Variants in TPM4 observed in about 807,000 individuals in gnomAD.
TPM4 encodes the protein tropomyosin 4.
A neutral mutation model predicts 35.8 loss-of-function variants in TPM4; 17 were observed. That is an observed-to-expected ratio of 0.47 (90% CI 0.32 to 0.71). TPM4 has a LOEUF of 0.71. Among genes scored for constraint, TPM4 ranks in the 30% least tolerant of loss-of-function variants. The probability of loss-of-function intolerance (pLI) is 0.03; values close to 1 mark genes in which losing one functional copy is unlikely to be tolerated. For synonymous variants in TPM4, 120 were observed against 122.9 expected (o/e 0.98, Z 0.15); for missense variants, 240 against 320.9 (o/e 0.75, Z 1.93).
At chr19:16,085,559 C>G (rs1226613526) in intron 2 of TPM4, among the ~76,000 whole-genome samples, 1 of 152,096 alleles carries the variant, frequency 6.6e-6, no homozygotes, top group African/African-American at 2.4e-5. Context: ...GAGTGAGACA[C>G]CATCTCTCAA....
Position 16,076,671 on chromosome 19 carries a change from G to C in TPM4, c.106G>C (p.Asp36His). 2 of 1,392,392 alleles carry C rather than the reference G, an allele frequency of 1.4e-6. No homozygotes were observed. Among genetic ancestry groups the C allele is most frequent in the Non-Finnish European group, 1.9e-6 (2 of 1,077,230 alleles). The allele number at this position is 1,392,392 out of a possible 1,614,324, so 86.3% of individuals were successfully genotyped here. ...CGCGCAGGGCCTGCAGCGGGAGCTG[G>C]ACGGCGAGCGCGAGCGGCGCGAGAA... ...DRAQGLQREL[D>H]GERERREKAE... The change falls in exon 1 of 8, where the codon GAC (aspartate) becomes CAC (histidine). Residue 36 changes from aspartate to histidine, a missense_variant. Physicochemically the swap from Asp to His is moderately conservative, Grantham distance 81. Coordinates refer to ENST00000643579, the MANE Select transcript of TPM4 (RefSeq NM_003290.3).
At position 16,101,268 on chromosome 19, in the gene TPM4, A is replaced by T; in HGVS notation, c.669A>T (p.Lys223Asn). 6.2e-7 allele frequency: 1 copy of T among 1,603,210 alleles called. No homozygotes were observed. The highest frequency in any genetic ancestry group is 8.5e-7 in the Non-Finnish European group (1 of 1,175,964). ...CATACTCTTAATCCTCACCAGAGAAACTTGCCCAGGCCAAAGAAGAGAACG... is the reference window on the plus strand; with the variant it reads ...CATACTCTTAATCCTCACCAGAGAATCTTGCCCAGGCCAAAGAAGAGAACG... Reference protein sequence around the residue: ...LEKTIDDLEEKLAQAKEENVG... With the variant: ...LEKTIDDLEENLAQAKEENVG... Residue 223 changes from lysine to asparagine, a missense_variant, in exon 8 of 8, where the codon AAA becomes AAT. Coordinates refer to ENST00000643579, the MANE Select transcript of TPM4 (RefSeq NM_003290.3).
In TPM4 at chr19:16,078,271, A is replaced by G. The variant is rs568517537; in HGVS notation, c.132+1574A>G. 102 of 396,278 alleles carry G rather than the reference A, an allele frequency of 2.6e-4. 3 individuals are homozygous for G. The South Asian group carries it at 0.012, about 46-fold the overall frequency. The allele number at this position is 396,278 out of a possible 1,614,324, so 24.5% of individuals were successfully genotyped here. On this transcript the variant is annotated intron_variant, in intron 1 of 7. Coordinates refer to ENST00000643579, the MANE Select transcript of TPM4 (RefSeq NM_003290.3). ...GCTGGGACCAGAGACATGGGTGTGC[A>G]CAGACTCAGAGGCAAGAAAGTTGTA...
chr19:16,076,003 A>ACC (rs139298941), upstream of TPM4: 5,738 of 1,405,258 alleles, frequency 4.1e-3, 17 homozygotes, highest in African/African-American at 0.02. Flanking sequence ...CGGGGACGTG[A>ACC]CCCCCCCCCC....
chr19:16,070,725 G>GC lies in TPM4; in HGVS notation c.114+2990dup, dbSNP rs2090348541. 1.3e-5 allele frequency among the ~76,000 whole-genome samples: 2 copies of GC among 150,978 alleles called. No individual in the cohort carries two copies. Among genetic ancestry groups the GC allele is most frequent in the Non-Finnish European group, 2.9e-5 (2 of 67,842 alleles). On this transcript the variant is annotated intron_variant, in intron 2 of 2. Transcript: ENST00000589897. The surrounding 1 kb of genome is among the most constrained non-coding windows in gnomAD (Gnocchi z 7.4). Reference sequence around the variant, plus strand: ...TAAATGTAGGTTGATTTCCTGCCCCGCCCTACTTCCCCTTTGGGCCTCCCC... The same window carrying GC: ...TAAATGTAGGTTGATTTCCTGCCCCGCCCCTACTTCCCCTTTGGGCCTCCCC...
At chr19:16,076,003 ACC>A (rs139298941), upstream of TPM4, 38 of 1,407,232 alleles carry the variant, frequency 2.7e-5, no homozygotes, top group African/African-American at 4.8e-4. Flanking sequence ...CGGGGACGTG[ACC>A]CCCCCCCCAG....
At chr19:16,076,237 G>C (rs1401196164), upstream of TPM4, 3 of 1,546,552 alleles carry the variant, frequency 1.9e-6, no homozygotes, top group East Asian at 4.9e-5. Context: ...CCGGGAAGGC[G>C]GGGAGAGCCG....
chr19:16,083,657 C>CAGTGT (rs1473646026), intron 2 of TPM4, among the ~76,000 whole-genome samples: 2 of 152,028 alleles, frequency 1.3e-5, no homozygotes, highest in African/African-American at 4.8e-5. Context: ...GGTGTGGGCC[C>CAGTGT]GACCAGTGAT....
intron 2 of TPM4, among the ~76,000 whole-genome samples, chr19:16,071,108 G>C (rs1034188383): frequency 6.6e-6 from 1 of 152,212 alleles, no homozygotes; most frequent in African/African-American, 2.4e-5. Context: ...CACTGGAGTA[G>C]ACTTGGGCTC....
At chr19:16,080,602 G>A (rs572137662) in intron 1 of TPM4, among the ~76,000 whole-genome samples, 71 of 152,332 alleles carry the variant, frequency 4.7e-4, no homozygotes, top group Admixed American at 1.6e-3. Flanking sequence ...CGTGAGGCCA[G>A]GAGTTTGAGA....
At chr19:16,076,247 G>T (rs2144916781), upstream of TPM4, 2 of 1,543,288 alleles carry the variant, frequency 1.3e-6, no homozygotes, top group East Asian at 2.4e-5. Context: ...GGGGAGAGCC[G>T]CAGGGGGAGG....
intron 1 of TPM4, among the ~76,000 whole-genome samples, chr19:16,079,440 T>G (rs961429304): frequency 5.9e-5 from 9 of 152,216 alleles, no homozygotes; most frequent in African/African-American, 2.2e-4. Flanking sequence ...TTAAAAAGAA[T>G]GAAAGGCACC....
rs1210713152 is a variant in TPM4 at position 16,069,385 on chromosome 19, C to T, written c.114+1647C>T. On this transcript the variant is annotated intron_variant, in intron 2 of 2. Coordinates refer to the TPM4 transcript ENST00000589897. ...TATGTGTGTGGATGAGTGTGTGTTT[C>T]TATTGGTGTGTGTGTATGAGTGTGT... 3.3e-5 allele frequency among the ~76,000 whole-genome samples: 5 copies of T among 149,984 alleles called. No homozygotes were observed. In the East Asian group the frequency reaches 7.9e-4, roughly 24 times the overall value.
At chr19:16,068,073 CTG>C (rs1177554880) in intron 2 of TPM4, 34 of 389,890 alleles carry the variant, frequency 8.7e-5, no homozygotes, top group Non-Finnish European at 1.0e-4. Flanking sequence ...TGGGGACATG[CTG>C]TGTGTGTGTA....
Position 16,088,087 on chromosome 19 carries a change from G to A in TPM4, c.445G>A (p.Val149Met), listed in dbSNP as rs1300114202. The A allele has an allele frequency of 6.2e-7, 1 of 1,611,672 alleles. No homozygotes were observed. The highest frequency in any genetic ancestry group is 1.3e-5 in the African/African-American group (1 of 74,898). Residue 149 changes from valine to methionine, a missense_variant, in exon 4 of 8, where the codon GTG (valine) becomes ATG (methionine). Val to Met is a conservative substitution (Grantham distance 21). Coordinates refer to ENST00000643579, the MANE Select transcript of TPM4 (RefSeq NM_003290.3). ...GGAGAGGGCAGAGGAGCGTGCGGAG[G>A]TGTCTGAACTGTGAGTGGCAGAACA... ...ELERAEERAEVSELKCGDLEE... is the reference protein window; with the variant it reads ...ELERAEERAEMSELKCGDLEE...
chr19:16,086,905 C>T (rs969513636), intron 3 of TPM4, among the ~76,000 whole-genome samples: 4 of 152,074 alleles, frequency 2.6e-5, no homozygotes, highest in African/African-American at 7.2e-5. Flanking sequence ...TCTTCCCTCC[C>T]GCCTCTTGTC....
chr19:16,085,744 G>A (rs915439553), intron 2 of TPM4, among the ~76,000 whole-genome samples: 1 of 152,132 alleles, frequency 6.6e-6, no homozygotes, highest in African/African-American at 2.4e-5. Flanking sequence ...AGTTGTGAAA[G>A]TGAAGGCACT....
intron 1 of TPM4, chr19:16,081,397 C>CTT (rs374854830): frequency 0.017 from 2,270 of 136,390 alleles, 121 homozygotes; most frequent in African/African-American, 0.053. Flanking sequence ...GGGACACTCG[C>CTT]TTTTTTTTTT....
At chr19:16,101,240 C>G in intron 7 of TPM4, 24 bp from the exon 8 acceptor site, 1 of 1,533,446 alleles carries the variant, frequency 6.5e-7, no homozygotes, top group Non-Finnish European at 8.8e-7. Flanking sequence ...ATTTATCTTT[C>G]CCCATACTCT....
Sources: allele counts gnomAD v4.1 joint callset (sites outside exome capture counted in the v4.1 genomes callset), GRCh38; gene constraint gnomAD v4.1.1; non-coding constraint Gnocchi (gnomAD v3.1); transcripts MANE v1.5; gene names NCBI Gene and HGNC (gene_info 2026-07-23, HGNC 2026-07-21).